PPTC7: variants seen among roughly 807,000 people sequenced by gnomAD.
PPTC7 encodes protein phosphatase PTC7 homolog.
PPTC7 carries 6 observed loss-of-function variants against 30.8 expected under a neutral mutation model. That is an observed-to-expected ratio of 0.19 (90% confidence interval 0.11 to 0.38). The LOEUF is 0.38. PPTC7 is among the 10% of genes least tolerant of loss of function. The pLI, the probability that PPTC7 is intolerant of heterozygous loss-of-function variation, is 1.00. For missense variants in PPTC7, 218 were observed against 404.8 expected (o/e 0.54, Z 3.96); for synonymous variants, 163 against 168.1 (o/e 0.97, Z 0.23).
At chr12:110,537,152 T>A (rs1245770403) in intron 5 of PPTC7, 57 bp from the exon 6 acceptor site, 1 of 1,397,512 alleles carries the variant, frequency 7.2e-7, no homozygotes, top group Admixed American at 1.7e-5. Context: ...CAATAAAAAA[T>A]GTGTACTTAA....
At chr12:110,568,253 G>GTT (rs1195913504) in intron 1 of PPTC7, among the ~76,000 whole-genome samples, 21 of 132,042 alleles carry the variant, frequency 1.6e-4, no homozygotes, top group African/African-American at 2.0e-4. Flanking sequence ...AATCTCATGC[G>GTT]TTTTTTTTTT....
chr12:110,549,395 C>G (rs1218820083), intron 2 of PPTC7, among the ~76,000 whole-genome samples: 2 of 149,894 alleles, frequency 1.3e-5, no homozygotes, highest in East Asian at 1.9e-4. Context: ...AATTACCTAA[C>G]TAACTTATCT....
At chr12:110,538,911 CTTTG>C (rs1465171488) in intron 4 of PPTC7, among the ~76,000 whole-genome samples, 4 of 152,286 alleles carry the variant, frequency 2.6e-5, no homozygotes, top group South Asian at 4.1e-4. Flanking sequence ...CCTTATCCAG[CTTTG>C]TTTTTCTTAT....
rs568871059 is a variant in PPTC7 at position 110,561,547 on chromosome 12, C to G, written c.224-9579G>C. Among the ~76,000 whole-genome samples, 70 of 152,306 alleles carry G rather than the reference C, an allele frequency of 4.6e-4. 1 individual carries two copies. The highest frequency in any genetic ancestry group is 7.5e-4 in the Non-Finnish European group (51 of 68,024). ...GCCAGGCTGGTCTCAAACTCCTGAC[C>G]TCAAGTGATTGCCCCCCAACACAGC... On this transcript the variant is annotated intron_variant, in intron 1 of 5. Coordinates refer to ENST00000354300, the MANE Select transcript of PPTC7 (RefSeq NM_139283.2).
chr12:110,565,501 C>T (rs1293047301), intron 1 of PPTC7, among the ~76,000 whole-genome samples: 3 of 152,122 alleles, frequency 2.0e-5, no homozygotes, highest in Non-Finnish European at 2.9e-5. Context: ...TGATCCATCC[C>T]GCCTTGGCCT....
At chr12:110,542,673 CAAAAAAAAAAAAAA>C (rs765332697) in intron 3 of PPTC7, among the ~76,000 whole-genome samples, 3 of 26,776 alleles carry the variant, frequency 1.1e-4, no homozygotes, top group Non-Finnish European at 1.9e-4. Flanking sequence ...GACTCTGTCT[CAAAAAAAAAAAAAA>C]AAAAAAAAAA....
At chr12:110,541,546 A>G (rs1055686968) in intron 3 of PPTC7, among the ~76,000 whole-genome samples, 3 of 150,724 alleles carry the variant, frequency 2.0e-5, no homozygotes, top group South Asian at 4.2e-4. Context: ...CAAAAATACA[A>G]AAAATTAGCT....
intron 3 of PPTC7, among the ~76,000 whole-genome samples, chr12:110,542,702 AAAAG>A (rs1383144465): frequency 6.6e-6 from 1 of 150,910 alleles, no homozygotes; most frequent in Admixed American, 6.6e-5. Flanking sequence ...AAAAAAAAGA[AAAAG>A]AAACTAAAGA....
chr12:110,553,868 A>AT (rs1349970975), intron 1 of PPTC7, among the ~76,000 whole-genome samples: 4 of 151,764 alleles, frequency 2.6e-5, no homozygotes, highest in Admixed American at 1.3e-4. Context: ...TTATTTACCT[A>AT]TTTTTTTTGA....
intron 1 of PPTC7, among the ~76,000 whole-genome samples, chr12:110,560,125 C>A (rs546295838): frequency 6.6e-6 from 1 of 152,010 alleles, no homozygotes; most frequent in Non-Finnish European, 1.5e-5. Context: ...TATGACCAGG[C>A]GTGGTAGCTC....
intron 1 of PPTC7, among the ~76,000 whole-genome samples, chr12:110,574,085 C>A (rs564176226): frequency 2.9e-5 from 4 of 139,704 alleles, no homozygotes; most frequent in African/African-American, 1.1e-4. Context: ...ATTGCTGGAG[C>A]CCAGGAATTT....
chr12:110,557,736 GAAGA>G (rs1466412579), intron 1 of PPTC7, among the ~76,000 whole-genome samples: 1 of 152,224 alleles, frequency 6.6e-6, no homozygotes, highest in Admixed American at 6.5e-5. Flanking sequence ...ATGCTGCTAT[GAAGA>G]AATACCTGAG....
At chr12:110,545,661 T>C (rs1182469435) in intron 3 of PPTC7, among the ~76,000 whole-genome samples, 1 of 152,248 alleles carries the variant, frequency 6.6e-6, no homozygotes. Context: ...TTTCATGGTC[T>C]TGTCAAATTA....
intron 1 of PPTC7, among the ~76,000 whole-genome samples, chr12:110,565,433 T>C (rs1350684196): frequency 6.6e-6 from 1 of 151,976 alleles, no homozygotes; most frequent in Non-Finnish European, 1.5e-5. Context: ...GTTTTGTATT[T>C]TTAGTAGAGA....
At chr12:110,544,762 G>C (rs1203285040) in intron 3 of PPTC7, among the ~76,000 whole-genome samples, 1 of 152,134 alleles carries the variant, frequency 6.6e-6, no homozygotes, top group African/African-American at 2.4e-5. Context: ...TGAACCAGGA[G>C]GCGGAGGTTG....
At chr12:110,559,365 G>GT (rs1209312071) in intron 1 of PPTC7, among the ~76,000 whole-genome samples, 1 of 151,742 alleles carries the variant, frequency 6.6e-6, no homozygotes, top group East Asian at 1.9e-4. Context: ...AGCAAAAAGA[G>GT]TAATTCTGGG....
chr12:110,573,399 G>A (rs1284085255), intron 1 of PPTC7, among the ~76,000 whole-genome samples: 1 of 152,174 alleles, frequency 6.6e-6, no homozygotes, highest in Non-Finnish European at 1.5e-5. Context: ...ATGCAGTTAT[G>A]CTTACCAGTA....
intron 1 of PPTC7, among the ~76,000 whole-genome samples, chr12:110,567,646 G>C (rs2064495797): frequency 6.6e-6 from 1 of 152,088 alleles, no homozygotes; most frequent in African/African-American, 2.4e-5. Context: ...TTCTAGCTCA[G>C]ACAATTTCAG....
Position 110,533,544 on chromosome 12 carries a change from T to C in PPTC7, c.*3493A>G, listed in dbSNP as rs2064188016. 1 of 152,232 alleles carries C rather than the reference T, an allele frequency of 6.6e-6. No individual in the cohort carries two copies. The highest frequency in any genetic ancestry group is 6.5e-5 in the Admixed American group (1 of 15,286). 9.4% of individuals were successfully genotyped at this position (152,232 alleles called of 1,614,324 possible). On this transcript the variant is annotated 3_prime_UTR_variant, in exon 6 of 6. Transcript: ENST00000354300. ...TGCAAAGAATTTAATTTTAAATAAA[T>C]AGAATCCAAATATGTCCTGCTTCAT...
Sources: gnomAD v4.1 joint callset for allele counts (sites outside exome capture counted in the v4.1 genomes callset) on GRCh38, gnomAD v4.1.1 for gene constraint, MANE v1.5 for transcripts, NCBI Gene and HGNC (gene_info 2026-07-23, HGNC 2026-07-21) for gene names.